Variants in KCNC4 observed in about 807,000 individuals in gnomAD.
The protein encoded by KCNC4 is potassium voltage-gated channel subfamily C member 4.
A neutral mutation model predicts 42.8 loss-of-function variants in KCNC4; 23 were observed. The observed-to-expected ratio is 0.54, with a 90% CI of 0.39 to 0.76. The LOEUF (loss-of-function observed/expected upper bound fraction) is 0.76. Ranked by LOEUF, KCNC4 falls within the 30% of genes least tolerant of loss-of-function variation. The pLI is 0.00. For synonymous variants in KCNC4, 422 were observed against 393.5 expected (o/e 1.07, Z -0.86); for missense variants, 751 against 898.2 (o/e 0.84, Z 2.10).
rs1190743250 is a variant in KCNC4, at chr1:110,222,971, C to T, written c.686C>T (p.Ala229Val). The stretch of plus-strand genomic sequence containing the variant: ...CTCCTCCCCTGCCCATAGGTAGTGG[C>T]CTTTGCCTCTCTCTTCTTCATCCTG... ...PYSSRAARVV[A>V]FASLFFILVS... is the part of the protein sequence containing the mutation. Residue 229 changes from alanine (A) to valine (V), a missense_variant, in exon 2 of 4, where the codon GCC (alanine) becomes GTC (valine). Physicochemically the swap from Ala to Val is moderately conservative, Grantham distance 64 (BLOSUM62 0). Around this residue, in one of 4 missense-constraint regions of KCNC4, gnomAD observed 181 missense variants for 167.3 expected, o/e 1.08. Coordinates refer to ENST00000438661, the MANE Select transcript of KCNC4 (RefSeq NM_001039574.3). The T allele has an allele frequency of 5.0e-6, 8 of 1,612,858 alleles. No homozygotes were observed. The African/African-American group carries it at 6.7e-5, about 13-fold the overall frequency.
intron 1 of KCNC4, among the ~76,000 whole-genome samples, chr1:110,216,539 G>C (rs1281680217): frequency 6.6e-6 from 1 of 152,218 alleles, no homozygotes; most frequent in Non-Finnish European, 1.5e-5. Context: ...AGGTGTTTCT[G>C]GTTGTCACAT....
In KCNC4 at chr1:110,210,669, C is replaced by T. The variant is rs1657385163; in HGVS notation, c.-831C>T. On this transcript the variant is annotated 5_prime_UTR_variant, in exon 1 of 4. Transcript: ENST00000438661. ...CCCGCCCCCCAGGCTCGGCGCCGCG[C>T]AGGACGCCCCGTCTGAGGCACCCCC... Among the ~76,000 whole-genome samples the T allele has an allele frequency of 6.6e-6, 1 of 151,216 alleles. No homozygotes were observed. Among genetic ancestry groups the T allele is most frequent in the African/African-American group, 2.4e-5 (1 of 41,296 alleles).
chr1:110,280,855 T>C (rs1206864019), intron 1 of KCNC4, among the ~76,000 whole-genome samples: 1 of 152,242 alleles, frequency 6.6e-6, no homozygotes, highest in Non-Finnish European at 1.5e-5. Flanking sequence ...GCTGCCTTGC[T>C]ATTCCCAGTG....
At chr1:110,279,510 T>G (rs1259226397) in intron 1 of KCNC4, among the ~76,000 whole-genome samples, 2 of 152,172 alleles carry the variant, frequency 1.3e-5, no homozygotes, top group Admixed American at 1.3e-4. Context: ...ACTCCCCACC[T>G]GACTCCCTAA....
intron 1 of KCNC4, among the ~76,000 whole-genome samples, chr1:110,262,659 A>AAC: frequency 6.6e-6 from 1 of 152,260 alleles, no homozygotes; most frequent in Middle Eastern, 3.4e-3. Context: ...CTTCTGCCTC[A>AAC]CTGTCTCTAT....
At chr1:110,266,276 T>G (rs1474550924) in intron 1 of KCNC4, among the ~76,000 whole-genome samples, 1 of 152,108 alleles carries the variant, frequency 6.6e-6, no homozygotes, top group African/African-American at 2.4e-5. Flanking sequence ...GATCAGATAT[T>G]GAAACATTCA....
At chr1:110,263,884 C>G (rs1177324635) in intron 1 of KCNC4, among the ~76,000 whole-genome samples, 4 of 152,028 alleles carry the variant, frequency 2.6e-5, no homozygotes, top group Admixed American at 2.0e-4. Flanking sequence ...ATCTCTACCT[C>G]TGGGCTTTTT....
chr1:110,216,810 G>A (rs1464578777), intron 1 of KCNC4, among the ~76,000 whole-genome samples: 1 of 152,180 alleles, frequency 6.6e-6, no homozygotes, highest in Non-Finnish European at 1.5e-5. Flanking sequence ...TCAGGCTAAG[G>A]GGTGGTCACC....
At position 110,226,046 on chromosome 1, in the gene KCNC4, GCCT is replaced by G; in HGVS notation, c.1693_1695del (p.Ser565del). The G allele has an allele frequency of 1.2e-6, 2 of 1,613,918 alleles. No homozygotes were observed. The highest frequency in any genetic ancestry group is 1.7e-6 in the Non-Finnish European group (2 of 1,179,934). On this transcript the variant is annotated inframe_deletion, in exon 3 of 4. Coordinates refer to ENST00000438661, the MANE Select transcript of KCNC4 (RefSeq NM_001039574.3). ...GGGAGCTGGCCTCACCCAACCCCTG[GCCT>G]CCTCCCCGACCCCCGAGGAGCGCCG...
exon 4 of KCNC4, chr1:110,247,854 T>A (rs1659183254): frequency 6.6e-6 from 1 of 152,278 alleles, no homozygotes; most frequent in Admixed American, 6.5e-5. Context: ...CCTGGCCTTG[T>A]GAAGTCTTTT....
chr1:110,218,535 T>G (rs1346513780), intron 1 of KCNC4, among the ~76,000 whole-genome samples: 1 of 152,126 alleles, frequency 6.6e-6, no homozygotes, highest in Non-Finnish European at 1.5e-5. Context: ...CCTGACATAC[T>G]GTGTATTTTG....
exon 4 of KCNC4, chr1:110,246,820 C>T (rs1316803895): frequency 2.0e-5 from 3 of 149,576 alleles, no homozygotes; most frequent in African/African-American, 7.4e-5. Flanking sequence ...TTGCCACATG[C>T]CTAGTTGCAC....
chr1:110,279,891 C>T (rs1158445594), intron 1 of KCNC4, among the ~76,000 whole-genome samples: 5 of 150,024 alleles, frequency 3.3e-5, no homozygotes, highest in South Asian at 2.1e-4. Flanking sequence ...CTCCACCTCC[C>T]GGATTCAAGC....
At chr1:110,257,482 A>G (rs1659354527) in intron 1 of KCNC4, among the ~76,000 whole-genome samples, 3 of 151,788 alleles carry the variant, frequency 2.0e-5, no homozygotes, top group Admixed American at 2.0e-4. Flanking sequence ...TTGGGAGGCC[A>G]AGGCGGGTGG....
intron 1 of KCNC4, among the ~76,000 whole-genome samples, chr1:110,257,957 C>A (rs528336999): frequency 6.6e-6 from 1 of 152,312 alleles, no homozygotes; most frequent in South Asian, 2.1e-4. Context: ...GCATGCCTGA[C>A]CTGTCTGCCC....
At chr1:110,215,905 A>G (rs1158416169) in intron 1 of KCNC4, among the ~76,000 whole-genome samples, 1 of 152,216 alleles carries the variant, frequency 6.6e-6, no homozygotes, top group Non-Finnish European at 1.5e-5. Context: ...GCTCCTGCCC[A>G]GAGAGGATCT....
exon 4 of KCNC4, chr1:110,247,111 C>T (rs1362864056): frequency 3.3e-5 from 5 of 151,974 alleles, no homozygotes; most frequent in Non-Finnish European, 5.9e-5. Context: ...TAGTATTCCA[C>T]GTGTATGTGT....
downstream of KCNC4, chr1:110,238,534 G>A (rs1011872521): frequency 2.0e-5 from 3 of 152,190 alleles, no homozygotes; most frequent in African/African-American, 7.2e-5. Flanking sequence ...GCAAACATAT[G>A]TGGCATCTCT....
chr1:110,226,209 G>A (rs748944906), intron 3 of KCNC4, 31 bp downstream of exon 3: 10 of 1,601,102 alleles, frequency 6.2e-6, no homozygotes, highest in Non-Finnish European at 8.6e-6. Context: ...CAGGTGGGGA[G>A]CCCCCACAGA....
Sources: gnomAD v4.1 joint callset for allele counts (sites outside exome capture counted in the v4.1 genomes callset) on GRCh38, gnomAD v4.1.1 for gene constraint, gnomAD v4.1.1 regional missense constraint, MANE v1.5 for transcripts, NCBI Gene and HGNC (gene_info 2026-07-23, HGNC 2026-07-21) for gene names.